Variants in TBC1D31 observed in about 807,000 individuals in gnomAD.
TBC1D31 encodes the protein TBC1 domain family member 31.
A neutral mutation model predicts 132.9 loss-of-function variants in TBC1D31; 99 were observed. That is an observed-to-expected ratio of 0.74 (90% CI 0.63 to 0.88). The LOEUF (loss-of-function observed/expected upper bound fraction) is 0.88, where lower values mean the gene tolerates loss of function less well. Among genes scored for constraint, TBC1D31 ranks in the 40% least tolerant of loss-of-function variants. TBC1D31 has a pLI of 0.00. For synonymous variants in TBC1D31, 385 were observed against 419.4 expected (o/e 0.92, Z 1.00); for missense variants, 1,134 against 1,256.6 (o/e 0.90, Z 1.48).
intron 6 of TBC1D31, among the ~76,000 whole-genome samples, chr8:123,099,224 A>G (rs1160892357): frequency 3.3e-5 from 5 of 152,086 alleles, no homozygotes; most frequent in East Asian, 1.9e-4. Flanking sequence ...GGTTCACGCC[A>G]TTCTCCTGCC....
At chr8:123,144,213 T>G (rs7844632) in intron 19 of TBC1D31, among the ~76,000 whole-genome samples, 31,000 of 152,206 alleles carry the variant, frequency 0.2, 3,262 homozygotes, top group African/African-American at 0.24. Context: ...CCTTCTGAGC[T>G]AATTTTAAGA....
chr8:123,141,550 T>C (rs1315727551), intron 18 of TBC1D31, among the ~76,000 whole-genome samples: 2 of 144,124 alleles, frequency 1.4e-5, no homozygotes, highest in African/African-American at 5.2e-5. Context: ...AAGAAGAGCT[T>C]TCTCTATTAT....
At chr8:123,147,128 C>T (rs181885396) in intron 20 of TBC1D31, among the ~76,000 whole-genome samples, 324 of 151,476 alleles carry the variant, frequency 2.1e-3, no homozygotes, top group African/African-American at 7.6e-3. Context: ...ATCATGGGAG[C>T]TGTCACTTCT....
Position 123,097,326 on chromosome 8 carries a change from A to G in TBC1D31, c.716A>G (p.His239Arg), listed in dbSNP as rs1460232914. The G allele has an allele frequency of 6.2e-7, 1 of 1,614,028 alleles. No individual in the cohort carries two copies. Among genetic ancestry groups the G allele is most frequent in the Non-Finnish European group, 8.5e-7 (1 of 1,180,032 alleles). The part of the protein sequence containing the change: ...LAAGGKSNHL[H>R]LWCLEARQLF... ...GCTGGAGGCAAGTCAAATCATCTTC[A>G]TTTGTGGTGCTTGGAAGCTAGGCAG... Residue 239 changes from histidine (H) to arginine (R), a missense_variant, in exon 6 of 22, where the codon CAT becomes CGT. Coordinates refer to ENST00000287380, the MANE Select transcript of TBC1D31 (RefSeq NM_145647.4).
In TBC1D31 at chr8:123,128,509, G is replaced by A. The variant is rs1820304521; in HGVS notation, c.2113G>A (p.Glu705Lys). The change falls in exon 14 of 22, where the codon GAG becomes AAG. Residue 705 changes from glutamate to lysine, a missense_variant. Physicochemically the swap from Glu to Lys is moderately conservative, Grantham distance 56. Coordinates refer to ENST00000287380, the MANE Select transcript of TBC1D31 (RefSeq NM_145647.4). ...IRNDELDYLR[E>K]RQTVEDMQAK... Reference sequence around the variant, plus strand: ...GAATGATGAATTGGATTACTTAAGAGAGAGGTAATTATGGAATAGTTTTTC... The same window carrying A: ...GAATGATGAATTGGATTACTTAAGAAAGAGGTAATTATGGAATAGTTTTTC... The A allele has an allele frequency of 6.3e-7, 1 of 1,577,666 alleles. No homozygotes were observed. Among genetic ancestry groups the A allele is most frequent in the African/African-American group, 1.3e-5 (1 of 74,212 alleles).
intron 6 of TBC1D31, among the ~76,000 whole-genome samples, chr8:123,100,501 A>T (rs1817288929): frequency 6.6e-6 from 1 of 151,920 alleles, no homozygotes; most frequent in African/African-American, 2.4e-5. Context: ...GCTTGAACCC[A>T]GGGGGCGGAG....
intron 11 of TBC1D31, among the ~76,000 whole-genome samples, chr8:123,121,248 G>A (rs116595414): frequency 1.2e-3 from 182 of 148,552 alleles, no homozygotes; most frequent in African/African-American, 4.5e-3. Context: ...GTGAGCCCCT[G>A]GCACCCGACA....
At chr8:123,120,962 T>A (rs1819418380) in intron 11 of TBC1D31, among the ~76,000 whole-genome samples, 1 of 148,164 alleles carries the variant, frequency 6.7e-6, no homozygotes, top group Non-Finnish European at 1.5e-5. Flanking sequence ...AATTTTAACC[T>A]CTTTTTTTTT....
intron 5 of TBC1D31, among the ~76,000 whole-genome samples, chr8:123,096,365 C>G (rs1816836943): frequency 6.6e-6 from 1 of 152,106 alleles, no homozygotes; most frequent in Non-Finnish European, 1.5e-5. Context: ...CTTACTTTTC[C>G]TTATATACTA....
chr8:123,135,848 TG>T lies in TBC1D31; in HGVS notation c.2499+1647del, dbSNP rs1173684066. 2.0e-5 allele frequency among the ~76,000 whole-genome samples: 3 copies of T among 152,154 alleles called. No individual in the cohort carries two copies. In the East Asian group the frequency reaches 5.8e-4, roughly 29 times the overall value. On this transcript the variant is annotated intron_variant, in intron 17 of 21. Transcript: ENST00000287380. ...AAGCTAAACTTTACTATATTTTCTT[TG>T]GGGGTGGAGGATAGTGGCAATCGAA... is the stretch of plus-strand genomic sequence containing the variant.
At chr8:123,142,478 T>A (rs1176871029) in intron 19 of TBC1D31, 22 bp downstream of exon 19, 1 of 1,467,322 alleles carries the variant, frequency 6.8e-7, no homozygotes. Context: ...TGTTATAAAC[T>A]TTTTAATATC....
chr8:123,145,485 C>G (rs762323834), intron 20 of TBC1D31, among the ~76,000 whole-genome samples: 2 of 152,122 alleles, frequency 1.3e-5, no homozygotes, highest in African/African-American at 2.4e-5. Flanking sequence ...CACATGGAAA[C>G]TTCTCATAGG....
intron 16 of TBC1D31, among the ~76,000 whole-genome samples, chr8:123,133,202 C>T (rs1276624940): frequency 6.6e-6 from 1 of 152,206 alleles, no homozygotes; most frequent in East Asian, 1.9e-4. Flanking sequence ...TGGCACATAG[C>T]TGTTTGTATC....
chr8:123,090,973 A>C (rs1388726773), intron 4 of TBC1D31, among the ~76,000 whole-genome samples: 2 of 152,054 alleles, frequency 1.3e-5, no homozygotes, highest in African/African-American at 4.8e-5. Flanking sequence ...ATAAATAAAT[A>C]AATAATAAGG....
At chr8:123,147,461 C>T (rs186545586) in intron 20 of TBC1D31, among the ~76,000 whole-genome samples, 49 of 152,252 alleles carry the variant, frequency 3.2e-4, no homozygotes, top group Non-Finnish European at 6.5e-4. Context: ...CGTGATCCAC[C>T]GCACCCAGCC....
At chr8:123,118,142 C>T (rs986492350) in intron 10 of TBC1D31, among the ~76,000 whole-genome samples, 1 of 151,988 alleles carries the variant, frequency 6.6e-6, no homozygotes, top group Non-Finnish European at 1.5e-5. Context: ...TTGGAAGAAA[C>T]TAGAGAGACA....
chr8:123,141,615 A>T (rs1343421501), intron 18 of TBC1D31, among the ~76,000 whole-genome samples: 1 of 152,046 alleles, frequency 6.6e-6, no homozygotes, highest in Non-Finnish European at 1.5e-5. Flanking sequence ...TATTCCAAAA[A>T]CCAGGAATAG....
intron 4 of TBC1D31, among the ~76,000 whole-genome samples, chr8:123,086,224 C>G (rs2129953733): frequency 6.6e-6 from 1 of 152,280 alleles, no homozygotes; most frequent in East Asian, 1.9e-4. Context: ...AGTAACCTTC[C>G]CATTCTCTCC....
chr8:123,160,195 G>C, the TBC1D31 span, among the ~76,000 whole-genome samples: 1 of 152,126 alleles, frequency 6.6e-6, no homozygotes, highest in Non-Finnish European at 1.5e-5. Context: ...CCTGGGTTTT[G>C]ATGACTTTGA....
Sources: gnomAD v4.1 joint callset for allele counts (sites outside exome capture counted in the v4.1 genomes callset) on GRCh38, gnomAD v4.1.1 for gene constraint, MANE v1.5 for transcripts, NCBI Gene and HGNC (gene_info 2026-07-23, HGNC 2026-07-21) for gene names.